The following GALNT7 variants were observed in gnomAD, a reference collection of about 807,000 sequenced individuals.
GALNT7 encodes the protein polypeptide N-acetylgalactosaminyltransferase 7.
In GALNT7, 60 loss-of-function variants were observed where a neutral mutation model predicts 82.1. That is an observed-to-expected ratio of 0.73 (90% CI 0.59 to 0.91). The LOEUF is 0.91. GALNT7 is among the 40% of genes least tolerant of loss of function. The pLI is 0.00. For missense variants in GALNT7, 660 were observed against 804.2 expected, an observed-to-expected ratio of 0.82 and a Z score of 2.17; for synonymous variants, 243 against 275.1, an observed-to-expected ratio of 0.88 and a Z score of 1.15.
chr4:173,231,830 G>C (rs748418676), intron 1 of GALNT7, among the ~76,000 whole-genome samples: 25 of 152,272 alleles, frequency 1.6e-4, no homozygotes, highest in Non-Finnish European at 2.8e-4. Context: ...CAGAATTTAG[G>C]AGAAAGGAAG....
chr4:173,300,839 G>GA (rs1446792343), intron 6 of GALNT7, among the ~76,000 whole-genome samples: 1 of 152,082 alleles, frequency 6.6e-6, no homozygotes, highest in Non-Finnish European at 1.5e-5. Flanking sequence ...GCAGATTCAA[G>GA]ATGTATTTTC....
intron 1 of GALNT7, among the ~76,000 whole-genome samples, chr4:173,170,232 A>G (rs781299270): frequency 2.0e-5 from 3 of 152,178 alleles, no homozygotes; most frequent in Non-Finnish European, 2.9e-5. Context: ...TGAGGGGCTC[A>G]CGACCGCCGA....
chr4:173,216,371 G>A (rs979338316), intron 1 of GALNT7, among the ~76,000 whole-genome samples: 6 of 152,212 alleles, frequency 3.9e-5, no homozygotes, highest in Admixed American at 1.3e-4. Context: ...AATAGTGGAG[G>A]GCGTAATGTG....
At chr4:173,191,308 G>A (rs1298103076) in intron 1 of GALNT7, among the ~76,000 whole-genome samples, 1 of 152,114 alleles carries the variant, frequency 6.6e-6, no homozygotes, top group Non-Finnish European at 1.5e-5. Context: ...GAGTAGGCTT[G>A]AATAAATGCT....
chr4:173,188,667 G>T (rs78145141), intron 1 of GALNT7, among the ~76,000 whole-genome samples: 2 of 152,276 alleles, frequency 1.3e-5, no homozygotes, highest in East Asian at 1.9e-4. Context: ...GCCTCTGCTC[G>T]CTGAATTCTG....
At chr4:173,226,834 A>G (rs527629137) in intron 1 of GALNT7, among the ~76,000 whole-genome samples, 2 of 152,250 alleles carry the variant, frequency 1.3e-5, no homozygotes, top group Admixed American at 6.5e-5. Flanking sequence ...CAAATGCACT[A>G]TTTGTTCTCT....
chr4:173,230,400 T>A (rs1733991684), intron 1 of GALNT7, among the ~76,000 whole-genome samples: 1 of 152,192 alleles, frequency 6.6e-6, no homozygotes, highest in African/African-American at 2.4e-5. Context: ...ATGATTATTT[T>A]AATGGTTTGG....
intron 2 of GALNT7, among the ~76,000 whole-genome samples, chr4:173,249,805 A>G (rs925466837): frequency 6.6e-6 from 1 of 152,146 alleles, no homozygotes; most frequent in Non-Finnish European, 1.5e-5. Context: ...TCAGGAGATA[A>G]AGATGGTTGT....
intron 1 of GALNT7, among the ~76,000 whole-genome samples, chr4:173,190,848 C>T (rs903790569): frequency 4.6e-5 from 7 of 152,050 alleles, no homozygotes; most frequent in African/African-American, 7.2e-5. Context: ...CCCTACTCCA[C>T]GTATGTGAGC....
Position 173,292,089 on chromosome 4 carries a change from T to C in GALNT7, c.588-19T>C, listed in dbSNP as rs1366706643. ...ATAGATTACCTGTAAATAAATATGA[T>C]GAAATTTTCTCTTTACAGATGCAAG... is the stretch of plus-strand genomic sequence containing the variant. On this transcript the variant is annotated intron_variant, in intron 2 of 11. Transcript: ENST00000265000. The surrounding 1 kb of genome is among the most constrained non-coding windows in gnomAD (Gnocchi z 4.8). 2.5e-6 allele frequency: 4 copies of C among 1,572,858 alleles called. No homozygotes were observed. The highest frequency in any genetic ancestry group is 3.4e-5 in the Admixed American group (2 of 58,198).
In GALNT7 at chr4:173,212,983, G is replaced by GA. The variant is rs1047839991; in HGVS notation, c.127-34988dup. ...CTTTTAACGTAATTGCTCACTTCAT[G>GA]AAAAAAAAATCCCCTTTGGACAAAT... On this transcript the variant is annotated intron_variant, in intron 1 of 11. Coordinates refer to ENST00000265000, the MANE Select transcript of GALNT7 (RefSeq NM_017423.3). 5.3e-5 allele frequency among the ~76,000 whole-genome samples: 8 copies of GA among 150,872 alleles called. No homozygotes were observed. The East Asian group carries it at 7.7e-4, about 15-fold the overall frequency.
Position 173,248,257 on chromosome 4 carries a change from T to C in GALNT7, c.404T>C (p.Phe135Ser), listed in dbSNP as rs113680491. The change falls in exon 2 of 12, where the codon TTT becomes TCT. Residue 135 changes from phenylalanine (F) to serine (S), a missense_variant. By Grantham distance (155) the Phe-to-Ser change is radical. This residue lies in a region of GALNT7 where 527 missense variants were observed against 683.5 expected (regional missense o/e 0.77). Transcript: ENST00000265000. Reference sequence around the variant, plus strand: ...CTTCGCCCAGGGATCCTCGGTAACTTTGAACCCAAAGAACCTGAGCCTCCT... The same window carrying C: ...CTTCGCCCAGGGATCCTCGGTAACTCTGAACCCAAAGAACCTGAGCCTCCT... ...PVLRPGILGN[F>S]EPKEPEPPGV... 5 of 1,613,950 alleles carry C rather than the reference T, an allele frequency of 3.1e-6. No individual in the cohort carries two copies. The highest frequency in any genetic ancestry group is 4.2e-6 in the Non-Finnish European group (5 of 1,179,890).
chr4:173,178,279 T>C (rs955177265), intron 1 of GALNT7, among the ~76,000 whole-genome samples: 1 of 152,124 alleles, frequency 6.6e-6, no homozygotes, highest in Non-Finnish European at 1.5e-5. Flanking sequence ...GTACATTAAT[T>C]TGACTGAAGG....
At chr4:173,241,208 T>C (rs1734420134) in intron 1 of GALNT7, among the ~76,000 whole-genome samples, 1 of 79,646 alleles carries the variant, frequency 1.3e-5, no homozygotes, top group African/African-American at 4.8e-5. Flanking sequence ...CCATCTCTAT[T>C]TAAAAAAAAA....
At chr4:173,236,940 T>C (rs565774315) in intron 1 of GALNT7, among the ~76,000 whole-genome samples, 217 of 152,356 alleles carry the variant, frequency 1.4e-3, no homozygotes, top group African/African-American at 5.0e-3. Flanking sequence ...ATAACACTCA[T>C]GATAAACCAG....
chr4:173,176,317 G>A (rs757935118), intron 1 of GALNT7, among the ~76,000 whole-genome samples: 22 of 152,158 alleles, frequency 1.4e-4, no homozygotes, highest in Non-Finnish European at 2.1e-4. Context: ...AGTACAGTAC[G>A]GGATGAGCTT....
chr4:173,301,998 T>C (rs1221365229), intron 6 of GALNT7, 49 bp from the exon 7 acceptor site: 6 of 853,006 alleles, frequency 7.0e-6, no homozygotes, highest in Admixed American at 1.8e-5. Flanking sequence ...TGGTGAAGGG[T>C]TATTGGGGGT....
intron 1 of GALNT7, among the ~76,000 whole-genome samples, chr4:173,193,061 A>G (rs575899018): frequency 2.0e-5 from 3 of 152,316 alleles, no homozygotes; most frequent in African/African-American, 7.2e-5. Context: ...TCTATAGAGA[A>G]AGGAGTGAAG....
At chr4:173,242,006 AGTG>A (rs1365888628) in intron 1 of GALNT7, among the ~76,000 whole-genome samples, 1 of 152,184 alleles carries the variant, frequency 6.6e-6, no homozygotes, top group Non-Finnish European at 1.5e-5. Context: ...CAAGAGTCCC[AGTG>A]TTTCAATCTG....
Sources: gnomAD v4.1 joint callset for allele counts (sites outside exome capture counted in the v4.1 genomes callset) on GRCh38, gnomAD v4.1.1 for gene constraint, gnomAD v4.1.1 regional missense constraint, Gnocchi (gnomAD v3.1) non-coding constraint, MANE v1.5 for transcripts, NCBI Gene and HGNC (gene_info 2026-07-23, HGNC 2026-07-21) for gene names.